Variants in USP54 observed in about 807,000 individuals in gnomAD.
USP54 encodes ubiquitin carboxyl-terminal hydrolase 54.
A neutral mutation model predicts 170.5 loss-of-function variants in USP54; 87 were observed. The observed-to-expected ratio is 0.51, with a 90% CI of 0.43 to 0.61. The LOEUF (loss-of-function observed/expected upper bound fraction) is 0.61. Ranked by LOEUF, USP54 falls within the 20% of genes least tolerant of loss-of-function variation. The pLI is 0.00. For synonymous variants in USP54, 655 were observed against 742.8 expected, an observed-to-expected ratio of 0.88 and a Z score of 1.92; for missense variants, 1,786 against 2,047.8, an observed-to-expected ratio of 0.87 and a Z score of 2.47.
chr10:73,556,535 A>G (rs761558777), intron 4 of USP54, among the ~76,000 whole-genome samples: 15 of 151,772 alleles, frequency 9.9e-5, no homozygotes, highest in Non-Finnish European at 1.5e-5. Context: ...TAGTAGAGAC[A>G]GGGTTTCACC....
intron 4 of USP54, among the ~76,000 whole-genome samples, chr10:73,555,436 G>A (rs1436313383): frequency 6.6e-6 from 1 of 152,126 alleles, no homozygotes; most frequent in Non-Finnish European, 1.5e-5. Flanking sequence ...ACAATCATAA[G>A]CTACATATCA....
intron 1 of USP54, among the ~76,000 whole-genome samples, chr10:73,597,641 G>A (rs1320254108): frequency 1.3e-5 from 2 of 152,160 alleles, no homozygotes; most frequent in Non-Finnish European, 2.9e-5. Flanking sequence ...AGACTGATTT[G>A]AGTAATAATT....
In USP54 at chr10:73,534,592, G is replaced by A; in HGVS notation, c.1315+8C>T. On this transcript the variant is annotated splice_region_variant and intron_variant, in intron 12 of 23. Coordinates refer to ENST00000687698, the MANE Select transcript of USP54 (RefSeq NM_001391956.1). Reference sequence around the variant, plus strand: ...CAGGCAAGCAGGACCCTCTGTATAAGTCCCTACCTGTGTCCCGACTGCTCT... The same window carrying A: ...CAGGCAAGCAGGACCCTCTGTATAAATCCCTACCTGTGTCCCGACTGCTCT... 6.2e-7 allele frequency: 1 copy of A among 1,613,374 alleles called. No individual in the cohort carries two copies. The highest frequency in any genetic ancestry group is 1.1e-5 in the South Asian group (1 of 91,006).
intron 4 of USP54, among the ~76,000 whole-genome samples, chr10:73,569,285 C>T (rs552959905): frequency 6.6e-6 from 1 of 152,256 alleles, no homozygotes; most frequent in African/African-American, 2.4e-5. Context: ...TACCATGGGA[C>T]TACTGTATTT....
chr10:73,599,534 T>C (rs1377273069), intron 1 of USP54, among the ~76,000 whole-genome samples: 1 of 152,162 alleles, frequency 6.6e-6, no homozygotes, highest in East Asian at 1.9e-4. Context: ...TCTCTAGTCT[T>C]TATGGTTTCT....
intron 1 of USP54, among the ~76,000 whole-genome samples, chr10:73,617,095 C>T (rs1037633433): frequency 3.3e-5 from 5 of 150,268 alleles, no homozygotes; most frequent in Admixed American, 6.6e-5. Flanking sequence ...GTCGGGAGTT[C>T]GAGACCAGCC....
chr10:73,532,439 T>C (rs912776543), intron 12 of USP54, among the ~76,000 whole-genome samples: 4 of 152,140 alleles, frequency 2.6e-5, no homozygotes, highest in African/African-American at 9.7e-5. Flanking sequence ...CCTCCCAAAG[T>C]GCTGGGATTA....
intron 18 of USP54, 149 bp from the exon 19 acceptor site, chr10:73,520,141 C>T (rs1173025966): frequency 9.1e-7 from 1 of 1,100,368 alleles, no homozygotes. Context: ...CATATGCTGT[C>T]CAGGGCACAC....
rs116907164 is a variant in USP54, at chr10:73,586,949, A to G, written c.-582+4329T>C. Among the ~76,000 whole-genome samples the G allele has an allele frequency of 5.0e-3, 756 of 152,350 alleles. 5 individuals carry two copies. Among genetic ancestry groups the G allele is most frequent in the Non-Finnish European group, 6.3e-3 (426 of 68,030 alleles). On this transcript the variant is annotated intron_variant, in intron 1 of 23. Transcript: ENST00000687698. Reference sequence around the variant, plus strand: ...ACAAAAAGTCTTATTTTTCCTGCACAAGAACTTAGATAACTGTCATGTATA... The same window carrying G: ...ACAAAAAGTCTTATTTTTCCTGCACGAGAACTTAGATAACTGTCATGTATA...
intron 1 of USP54, among the ~76,000 whole-genome samples, chr10:73,612,717 C>G (rs568158793): frequency 6.6e-6 from 1 of 151,778 alleles, no homozygotes; most frequent in East Asian, 1.9e-4. Context: ...TGGTGCATGC[C>G]TGTACCCCAC....
At chr10:73,620,718 A>T (rs1021293970) in intron 1 of USP54, among the ~76,000 whole-genome samples, 9 of 149,848 alleles carry the variant, frequency 6.0e-5, no homozygotes, top group Admixed American at 6.6e-5. Context: ...CGGGTCAATC[A>T]TCTGAGGTCA....
At chr10:73,598,873 G>A (rs893232051) in intron 1 of USP54, among the ~76,000 whole-genome samples, 15 of 151,570 alleles carry the variant, frequency 9.9e-5, no homozygotes, top group African/African-American at 3.4e-4. Flanking sequence ...TGAGCCAACA[G>A]AGCGCCACTG....
chr10:73,623,994 T>C (rs1411728069), intron 1 of USP54, among the ~76,000 whole-genome samples: 1 of 151,846 alleles, frequency 6.6e-6, no homozygotes, highest in Non-Finnish European at 1.5e-5. Context: ...CAGAAATCTT[T>C]TGGACTCAAC....
chr10:73,526,842 G>T, intron 15 of USP54, 62 bp from the exon 16 acceptor site: 3 of 1,540,984 alleles, frequency 1.9e-6, no homozygotes, highest in Non-Finnish European at 1.7e-6. Flanking sequence ...ACATTCCTAG[G>T]ACTAAATCTC....
chr10:73,542,645 C>T (rs546966161), intron 7 of USP54, among the ~76,000 whole-genome samples, 158 bp downstream of exon 7: 3 of 151,750 alleles, frequency 2.0e-5, no homozygotes, highest in African/African-American at 4.8e-5. Flanking sequence ...GCAGGAGAAT[C>T]GCTTGAACCC....
intron 1 of USP54, among the ~76,000 whole-genome samples, chr10:73,620,323 A>G (rs1215534952): frequency 1.3e-5 from 2 of 149,408 alleles, no homozygotes; most frequent in Non-Finnish European, 2.9e-5. Context: ...AAAAAAAAAA[A>G]AGAAAGAAAG....
intron 22 of USP54, among the ~76,000 whole-genome samples, chr10:73,502,297 G>A (rs1352470920): frequency 2.0e-5 from 3 of 152,076 alleles, no homozygotes; most frequent in Non-Finnish European, 2.9e-5. Flanking sequence ...ATGTGACACA[G>A]CTAATTATTC....
chr10:73,529,791 T>C lies in USP54; in HGVS notation c.1949A>G (p.Gln650Arg). 4 of 1,613,778 alleles carry C rather than the reference T, an allele frequency of 2.5e-6. No homozygotes were observed. Among genetic ancestry groups the C allele is most frequent in the Non-Finnish European group, 3.4e-6 (4 of 1,179,754 alleles). ...CATTCGCTGGATTAGTCGGGGGTGCTGCTCTAAAAGGTGAGAGCCTGGCCG... is the reference window on the plus strand; with the variant it reads ...CATTCGCTGGATTAGTCGGGGGTGCCGCTCTAAAAGGTGAGAGCCTGGCCG... ...PARPGSHLLE[Q>R]HPRLIQRMES... Residue 650 changes from glutamine to arginine, a missense_variant, in exon 15 of 24, where the codon CAG (glutamine) becomes CGG (arginine). Around this residue, in one of 3 missense-constraint regions of USP54, gnomAD observed 1,418 missense variants for 1,569.0 expected, o/e 0.90. Coordinates refer to ENST00000687698, the MANE Select transcript of USP54 (RefSeq NM_001391956.1).
At position 73,520,955 on chromosome 10, in the gene USP54, T is replaced by G. The variant is rs1422529890; in HGVS notation, c.2435A>C (p.Gln812Pro). Residue 812 changes from glutamine to proline, a missense_variant, in exon 18 of 24, where the codon CAG (glutamine) becomes CCG (proline). Gln to Pro is a moderately conservative substitution (Grantham distance 76). Around this residue, in one of 3 missense-constraint regions of USP54, gnomAD observed 1,418 missense variants for 1,569.0 expected, o/e 0.90. Coordinates refer to ENST00000687698, the MANE Select transcript of USP54 (RefSeq NM_001391956.1). ...SVFEESLHLE[Q>P]KGDCAAALAL... ...CAAAGCTGCAGCACAGTCTCCTTTC[T>G]GTTCCAGATGTAGTGACTCTTCAAA... 6.2e-7 allele frequency: 1 copy of G among 1,614,126 alleles called. No individual in the cohort carries two copies. Among genetic ancestry groups the G allele is most frequent in the African/African-American group, 1.3e-5 (1 of 74,956 alleles).
Sources: allele counts gnomAD v4.1 joint callset (sites outside exome capture counted in the v4.1 genomes callset), GRCh38; gene constraint gnomAD v4.1.1; regional missense constraint gnomAD v4.1.1; transcripts MANE v1.5; gene names NCBI Gene and HGNC (gene_info 2026-07-23, HGNC 2026-07-21).